The following MARK4 variants were observed in gnomAD, a reference collection of about 807,000 sequenced individuals.
MARK4 encodes MAP/microtubule affinity-regulating kinase 4.
Under a neutral mutation model 81.5 loss-of-function variants are expected in MARK4, and 19 were observed. The observed-to-expected ratio is 0.23, with a 90% CI of 0.16 to 0.34. The LOEUF (loss-of-function observed/expected upper bound fraction) is 0.34, where lower values mean the gene tolerates loss of function less well. Ranked by LOEUF, MARK4 falls within the 10% of genes least tolerant of loss-of-function variation. The probability of loss-of-function intolerance (pLI) is 1.00; values close to 1 mark genes in which losing one functional copy is unlikely to be tolerated. For missense variants in MARK4, 772 were observed against 1,058.8 expected (o/e 0.73, Z 3.76); for synonymous variants, 436 against 439.0 (o/e 0.99, Z 0.08).
intron 13 of MARK4, among the ~76,000 whole-genome samples, chr19:45,290,276 G>A (rs1970804581): frequency 6.6e-6 from 1 of 152,238 alleles, no homozygotes; most frequent in African/African-American, 2.4e-5. Flanking sequence ...TTGCGAGGTA[G>A]GGGTGTTTCT....
chr19:45,305,258 G>A lies in MARK4; in HGVS notation c.*2548G>A, dbSNP rs990773274. On this transcript the variant is annotated 3_prime_UTR_variant, in exon 17 of 17. Transcript: ENST00000262891. The stretch of plus-strand genomic sequence containing the variant: ...TGTGGAGCTGGGATCTTCAACTGGG[G>A]ACAGTACAGTAAAGAACATCACAGC... 2 of 152,254 alleles carry A rather than the reference G, an allele frequency of 1.3e-5. No individual in the cohort carries two copies. Among genetic ancestry groups the A allele is most frequent in the African/African-American group, 4.8e-5 (2 of 41,408 alleles). 9.4% of individuals were successfully genotyped at this position (152,254 alleles called of 1,614,324 possible). A position where few individuals can be genotyped will look rare whatever the true frequency, so the allele number is the denominator to read the frequency against.
At position 45,271,742 on chromosome 19, in the gene MARK4, C is replaced by T; in HGVS notation, c.786+34C>T. On this transcript the variant is annotated intron_variant, in intron 8 of 16. Coordinates refer to ENST00000262891, the MANE Select transcript of MARK4 (RefSeq NM_001199867.2). This position sits in a 1 kb window ranked among gnomAD's most constrained non-coding sequence, Gnocchi z 4.1. ...AGGGGCTGGGTGCAGGGGCATCAGC[C>T]CCTCCCCACAGTCAGGCCCCTATCC... The T allele has an allele frequency of 6.3e-7, 1 of 1,594,748 alleles. No individual in the cohort carries two copies. The highest frequency in any genetic ancestry group is 8.6e-7 in the Non-Finnish European group (1 of 1,166,426).
At position 45,287,534 on chromosome 19, in the gene MARK4, G is replaced by A. The variant is rs144227300; in HGVS notation, c.1364G>A (p.Arg455Gln). 1.7e-5 allele frequency: 26 copies of A among 1,573,042 alleles called. No homozygotes were observed. Among genetic ancestry groups the A allele is most frequent in the Middle Eastern group, 1.7e-4 (1 of 5,966 alleles). The change falls in exon 13 of 17, where the codon CGG becomes CAG. Residue 455 changes from arginine to glutamine, a missense_variant. Physicochemically the swap from Arg to Gln is conservative, Grantham distance 43 (BLOSUM62 1). This residue lies in a region of MARK4 where 548 missense variants were observed against 624.3 expected (regional missense o/e 0.88). Transcript: ENST00000262891. ...CTGAAGGAGGAGCGGCTGCCAGGCC[G>A]GAAGGCGAGCTGCAGCACCGCGGGG... ...AELKEERLPG[R>Q]KASCSTAGSG...
Position 45,280,432 on chromosome 19 carries a change from G to T in MARK4, c.1065G>T (p.Gln355His). 3 of 1,614,238 alleles carry T rather than the reference G, an allele frequency of 1.9e-6. No homozygotes were observed. The highest frequency in any genetic ancestry group is 1.7e-6 in the Non-Finnish European group (2 of 1,180,036). The change falls in exon 11 of 17, where the codon CAG becomes CAT. Residue 355 changes from glutamine to histidine, a missense_variant. Gln to His is a conservative substitution (Grantham distance 24). This residue lies in a region of MARK4 where 548 missense variants were observed against 624.3 expected (regional missense o/e 0.88). Coordinates refer to ENST00000262891, the MANE Select transcript of MARK4 (RefSeq NM_001199867.2). The part of the protein sequence containing the change: ...REEIKESLTS[Q>H]KYNEVTATYL... Reference sequence around the variant, plus strand: ...AAATCAAAGAGTCCTTGACCAGCCAGAAGTACAACGAAGTGACCGCCACCT... The same window carrying T: ...AAATCAAAGAGTCCTTGACCAGCCATAAGTACAACGAAGTGACCGCCACCT...
intron 13 of MARK4, among the ~76,000 whole-genome samples, chr19:45,288,987 T>C (rs757903385): frequency 6.6e-6 from 1 of 152,166 alleles, no homozygotes; most frequent in Non-Finnish European, 1.5e-5. Context: ...GGCTGTGCCC[T>C]TGGCCTTTCG....
Position 45,302,395 on chromosome 19 carries a change from A to C in MARK4, c.1944A>C (p.Gln648His), listed in dbSNP as rs1970987475. The C allele has an allele frequency of 6.2e-7, 1 of 1,614,074 alleles. No homozygotes were observed. Among genetic ancestry groups the C allele is most frequent in the African/African-American group, 1.3e-5 (1 of 75,026 alleles). Residue 648 changes from glutamine (Q) to histidine (H), a missense_variant, in exon 17 of 17, where the codon CAA becomes CAC. By Grantham distance (24) the Gln-to-His change is conservative (BLOSUM62 0). This residue lies in a region of MARK4 where 548 missense variants were observed against 624.3 expected (regional missense o/e 0.88). Coordinates refer to ENST00000262891, the MANE Select transcript of MARK4 (RefSeq NM_001199867.2). This position sits in a 1 kb window ranked among gnomAD's most constrained non-coding sequence, Gnocchi z 4.9. Reference sequence around the variant, plus strand: ...TCAGTTGCCATCTACCTTGGGATCAAACGGAAACCGCCCCCCGGCTGCTCC... The same window carrying C: ...TCAGTTGCCATCTACCTTGGGATCACACGGAAACCGCCCCCCGGCTGCTCC... Reference protein sequence around the residue: ...EVTSCHLPWDQTETAPRLLRF... With the variant: ...EVTSCHLPWDHTETAPRLLRF...
chr19:45,255,868 G>T lies in MARK4; in HGVS notation c.52-3121G>T, dbSNP rs577905865. On this transcript the variant is annotated intron_variant, in intron 1 of 16. Coordinates refer to ENST00000262891, the MANE Select transcript of MARK4 (RefSeq NM_001199867.2). ...AGAACTGCCTTGGCGGGAGGCCTCA[G>T]GCACCCTGAGCCCCAGCCCTGAAAG... Among the ~76,000 whole-genome samples, 44 of 147,412 alleles carry T rather than the reference G, an allele frequency of 3.0e-4. No individual in the cohort carries two copies. The South Asian group carries it at 9.2e-3, about 31-fold the overall frequency.
At chr19:45,301,719 G>C (rs1046144849) in intron 16 of MARK4, among the ~76,000 whole-genome samples, 1 of 151,514 alleles carries the variant, frequency 6.6e-6, no homozygotes, top group South Asian at 2.1e-4. Context: ...ATTAGCTGGG[G>C]CCAGGCGTGG....
At position 45,297,725 on chromosome 19, in the gene MARK4, G is replaced by A; in HGVS notation, c.1648G>A (p.Ala550Thr). The change falls in exon 15 of 17, where the codon GCA becomes ACA. Residue 550 changes from alanine to threonine, a missense_variant. This residue lies in a region of MARK4 where 548 missense variants were observed against 624.3 expected (regional missense o/e 0.88). Transcript: ENST00000262891. ...PPASPSSHSL[A>T]PPSGERSRLA... ...TGCCTCCCCCTCCAGTCACAGCCTGGCACCCCCATCAGGGGAGCGGAGCCG... is the reference window on the plus strand; with the variant it reads ...TGCCTCCCCCTCCAGTCACAGCCTGACACCCCCATCAGGGGAGCGGAGCCG... 6.4e-7 allele frequency: 1 copy of A among 1,562,892 alleles called. No individual in the cohort carries two copies. Among genetic ancestry groups the A allele is most frequent in the Non-Finnish European group, 8.6e-7 (1 of 1,158,974 alleles).
chr19:45,298,029 C>T, intron 15 of MARK4, 75 bp downstream of exon 15: 1 of 1,549,852 alleles, frequency 6.5e-7, no homozygotes, highest in East Asian at 2.4e-5. Flanking sequence ...CCACTCTGCT[C>T]TGTCTCCTGT....
At chr19:45,272,062 T>A (rs1970534904) in intron 8 of MARK4, among the ~76,000 whole-genome samples, 1 of 152,196 alleles carries the variant, frequency 6.6e-6, no homozygotes. Context: ...CCGGGTGCGG[T>A]GGCTCATGCC....
In MARK4 at chr19:45,287,759, T is replaced by C. The variant is rs1051468695; in HGVS notation, c.1494+95T>C. 9.0e-6 allele frequency: 12 copies of C among 1,336,102 alleles called. No individual in the cohort carries two copies. In the East Asian group the frequency reaches 1.8e-4, roughly 20 times the overall value. 82.8% of individuals were successfully genotyped at this position (1,336,102 alleles called of 1,614,324 possible). ...ATCTCATTCCCCAGACGGAACTCCT[T>C]CTTACCAACTCCTTCTTCTACCCAT... On this transcript the variant is annotated intron_variant, in intron 13 of 16. Transcript: ENST00000262891.
In MARK4 at chr19:45,251,274, C is replaced by G. The variant is rs1221091218; in HGVS notation, c.-315C>G. The G allele has an allele frequency of 2.1e-5, 3 of 142,580 alleles. No homozygotes were observed. Among genetic ancestry groups the G allele is most frequent in the African/African-American group, 7.7e-5 (3 of 38,734 alleles). 8.8% of individuals were successfully genotyped at this position (142,580 alleles called of 1,614,324 possible). On this transcript the variant is annotated 5_prime_UTR_variant, in exon 1 of 17. Coordinates refer to ENST00000262891, the MANE Select transcript of MARK4 (RefSeq NM_001199867.2). ...CCCCTCCCCCTGACGTCCCTTCCTC[C>G]CTCCCCAGCCCCTCCACCGCCTCCC...
intron 1 of MARK4, among the ~76,000 whole-genome samples, chr19:45,256,770 T>TA (rs1162860130): frequency 6.6e-6 from 1 of 152,224 alleles, no homozygotes; most frequent in Non-Finnish European, 1.5e-5. Context: ...GCTTCACAGA[T>TA]ACAGTGTTTT....
chr19:45,274,106 G>T (rs931510182), intron 8 of MARK4, among the ~76,000 whole-genome samples: 1 of 152,024 alleles, frequency 6.6e-6, no homozygotes, highest in Admixed American at 6.6e-5. Flanking sequence ...AAAATTAGCC[G>T]GGCGTGGTGG....
chr19:45,299,333 A>G (rs116720451), intron 15 of MARK4, among the ~76,000 whole-genome samples: 2,438 of 152,226 alleles, frequency 0.016, 79 homozygotes, highest in African/African-American at 0.056. Flanking sequence ...CCAAGGCAGG[A>G]AGATTGCTTG....
intron 12 of MARK4, among the ~76,000 whole-genome samples, chr19:45,285,700 A>G (rs2123084681): frequency 6.7e-6 from 1 of 149,466 alleles, no homozygotes; most frequent in South Asian, 2.1e-4. Flanking sequence ...CCTGAGTTCC[A>G]GGGATTCTCA....
rs1970632440 is a variant in MARK4, at chr19:45,278,609, A to G, written c.1000A>G (p.Arg334Gly). The G allele has an allele frequency of 6.2e-7, 1 of 1,611,434 alleles. No individual in the cohort carries two copies. Among genetic ancestry groups the G allele is most frequent in the African/African-American group, 1.3e-5 (1 of 74,810 alleles). ...EPEEDFGDTK[R>G]IEVMVGMGYT... ...CGAGGAGGACTTCGGGGACACCAAG[A>G]GAATTGGTGAGGGTCAGGGAGAGCC... Residue 334 changes from arginine to glycine, a missense_variant, in exon 10 of 17, where the codon AGA becomes GGA. This residue lies in a region of MARK4 where 548 missense variants were observed against 624.3 expected (regional missense o/e 0.88). Transcript: ENST00000262891.
Position 45,259,207 on chromosome 19 carries a change from G to A in MARK4, c.252+18G>A, listed in dbSNP as rs1022978910. The A allele has an allele frequency of 5.0e-6, 8 of 1,612,856 alleles. No individual in the cohort carries two copies. Among genetic ancestry groups the A allele is most frequent in the East Asian group, 2.2e-5 (1 of 44,850 alleles). The stretch of plus-strand genomic sequence containing the variant: ...GTCGGGAGGTGAGTATGGGCACAGG[G>A]TGGGGCTCGGGGCAGGTCCCTGTGG... On this transcript the variant is annotated intron_variant, in intron 2 of 16. Coordinates refer to ENST00000262891, the MANE Select transcript of MARK4 (RefSeq NM_001199867.2).
Sources: gnomAD v4.1 joint callset for allele counts (sites outside exome capture counted in the v4.1 genomes callset) on GRCh38, gnomAD v4.1.1 for gene constraint, gnomAD v4.1.1 regional missense constraint, Gnocchi (gnomAD v3.1) non-coding constraint, MANE v1.5 for transcripts, NCBI Gene and HGNC (gene_info 2026-07-23, HGNC 2026-07-21) for gene names.